The following IL1RAPL2 variants were observed in gnomAD, a reference collection of about 807,000 sequenced individuals.
IL1RAPL2 encodes interleukin 1 receptor accessory protein like 2.
Under a neutral mutation model 44.1 loss-of-function variants are expected in IL1RAPL2, and 3 were observed. That is an observed-to-expected ratio of 0.07 (90% CI 0.03 to 0.18). The LOEUF (loss-of-function observed/expected upper bound fraction) is 0.18. Among genes scored for constraint, IL1RAPL2 ranks in the 10% least tolerant of loss-of-function variants. The probability of loss-of-function intolerance (pLI) is 1.00; values close to 1 mark genes in which losing one functional copy is unlikely to be tolerated. For synonymous variants in IL1RAPL2, 181 were observed against 178.8 expected (o/e 1.01, Z -0.10); for missense variants, 391 against 496.4 (o/e 0.79, Z 2.02).
At chrX:105,216,068 C>T (rs1400176606) in intron 3 of IL1RAPL2, among the ~76,000 whole-genome samples, 1 of 111,254 alleles carries the variant, frequency 9.0e-6, no homozygotes, top group African/African-American at 3.3e-5. Flanking sequence ...AGGATGCCCT[C>T]TCACCACTCC....
chrX:105,219,019 C>T (rs782585592), intron 3 of IL1RAPL2: 17 of 1,209,232 alleles, frequency 1.4e-5, no homozygotes, highest in South Asian at 8.8e-5. Context: ...AGTATCCCTC[C>T]GTGAAAAATT....
chrX:105,065,672 T>G (rs1452498200), intron 2 of IL1RAPL2, among the ~76,000 whole-genome samples: 2 of 112,075 alleles, frequency 1.8e-5, no homozygotes, highest in Non-Finnish European at 3.8e-5. Context: ...AGCTCTCACT[T>G]TTATATAAAA....
chrX:104,719,964 A>G (rs760017918), intron 2 of IL1RAPL2, among the ~76,000 whole-genome samples: 2 of 111,288 alleles, frequency 1.8e-5, no homozygotes, highest in Non-Finnish European at 3.8e-5. Flanking sequence ...GCAGATAGTC[A>G]TACTGGATAT....
intron 5 of IL1RAPL2, among the ~76,000 whole-genome samples, chrX:105,334,450 TAACAC>T (rs1002699201): frequency 9.0e-6 from 1 of 111,370 alleles, no homozygotes; most frequent in Non-Finnish European, 1.9e-5. Context: ...TAGTATTTGA[TAACAC>T]AACAGGGAGA....
At chrX:104,729,912 C>T (rs897692374) in intron 2 of IL1RAPL2, among the ~76,000 whole-genome samples, 1 of 110,516 alleles carries the variant, frequency 9.0e-6, no homozygotes, top group African/African-American at 3.3e-5. Flanking sequence ...TGCTCTTGAC[C>T]AGGGAGAAAT....
At chrX:104,890,426 T>C (rs144248369) in intron 2 of IL1RAPL2, among the ~76,000 whole-genome samples, 40,692 of 110,246 alleles carry the variant, frequency 0.37, 5,906 homozygotes, top group East Asian at 0.46. Context: ...AGTGTAAAAG[T>C]GTTCCTATTT....
intron 5 of IL1RAPL2, among the ~76,000 whole-genome samples, chrX:105,278,430 T>C (rs1011250349): frequency 3.6e-5 from 4 of 111,042 alleles, no homozygotes; most frequent in African/African-American, 1.3e-4. Context: ...CCTAGGTCCA[T>C]TATGTATATT....
chrX:104,861,182 T>C (rs1487642335), intron 2 of IL1RAPL2, among the ~76,000 whole-genome samples: 1 of 112,037 alleles, frequency 8.9e-6, no homozygotes, highest in Non-Finnish European at 1.9e-5. Flanking sequence ...CAAAAATGCT[T>C]TATAAAAATT....
intron 2 of IL1RAPL2, among the ~76,000 whole-genome samples, chrX:104,822,067 C>T (rs984184712): frequency 9.0e-6 from 1 of 111,650 alleles, no homozygotes; most frequent in Non-Finnish European, 1.9e-5. Flanking sequence ...TTGTTCATAT[C>T]CTTTGCCCAG....
At position 104,762,571 on chromosome X, in the gene IL1RAPL2, G is replaced by A. The variant is rs191163579; in HGVS notation, c.82+103576G>A. On this transcript the variant is annotated intron_variant, in intron 2 of 10. Transcript: ENST00000372582. ...AGCTCCACTAGGCAGTACCCCAGTG[G>A]GAACTCTGTGGCAGCTCTGACCCCA... Among the ~76,000 whole-genome samples, 21 of 112,504 alleles carry A rather than the reference G, an allele frequency of 1.9e-4. No homozygotes were observed. In the Admixed American group the frequency reaches 2.0e-3, roughly 11 times the overall value.
intron 5 of IL1RAPL2, among the ~76,000 whole-genome samples, chrX:105,477,936 A>C (rs915805741): frequency 3.6e-5 from 4 of 111,459 alleles, no homozygotes; most frequent in Admixed American, 9.6e-5. Flanking sequence ...ATTTGGCATA[A>C]AATATTATTG....
intron 2 of IL1RAPL2, among the ~76,000 whole-genome samples, chrX:105,182,064 C>CA (rs782283394): frequency 0.18 from 10,546 of 58,564 alleles, 2,002 homozygotes; most frequent in African/African-American, 0.51. Flanking sequence ...GAGACTCTGT[C>CA]AAAAAAAAAA....
At chrX:105,368,216 A>C (rs1375206281) in intron 5 of IL1RAPL2, among the ~76,000 whole-genome samples, 1 of 110,904 alleles carries the variant, frequency 9.0e-6, no homozygotes, top group Non-Finnish European at 1.9e-5. Context: ...TATTTAAAAA[A>C]ATCTGGCTTC....
chrX:105,657,552 A>G (rs745455442), intron 6 of IL1RAPL2, among the ~76,000 whole-genome samples: 1 of 111,938 alleles, frequency 8.9e-6, no homozygotes, highest in Non-Finnish European at 1.9e-5. Flanking sequence ...CTTTGCTTCT[A>G]TCTCCCACTA....
intron 5 of IL1RAPL2, among the ~76,000 whole-genome samples, chrX:105,399,428 G>A (rs564620882): frequency 1.8e-5 from 2 of 110,288 alleles, no homozygotes; most frequent in East Asian, 2.9e-4. Flanking sequence ...CTTAGAGGTC[G>A]CTTCCTTAAT....
intron 2 of IL1RAPL2, among the ~76,000 whole-genome samples, chrX:104,915,647 C>T (rs1433835583): frequency 1.8e-5 from 2 of 110,846 alleles, no homozygotes; most frequent in Non-Finnish European, 3.8e-5. Flanking sequence ...CTTGCCCATG[C>T]CTATGTCCTG....
chrX:104,656,558 G>C (rs977813598), intron 1 of IL1RAPL2, among the ~76,000 whole-genome samples: 1 of 111,749 alleles, frequency 8.9e-6, no homozygotes. Context: ...TGTGATTTCT[G>C]TTCTTTTATA....
At chrX:105,157,896 C>T (rs960662468) in intron 2 of IL1RAPL2, among the ~76,000 whole-genome samples, 1 of 111,968 alleles carries the variant, frequency 8.9e-6, no homozygotes, top group Non-Finnish European at 1.9e-5. Context: ...TATTATTTAT[C>T]TTTAGAATGT....
intron 6 of IL1RAPL2, among the ~76,000 whole-genome samples, chrX:105,689,486 A>T (rs927333224): frequency 1.8e-5 from 2 of 112,569 alleles, no homozygotes; most frequent in Non-Finnish European, 3.7e-5. Context: ...ATCACTGGTC[A>T]TCAGAGAAAT....
Sources: gnomAD v4.1 joint callset for allele counts (sites outside exome capture counted in the v4.1 genomes callset) on GRCh38, gnomAD v4.1.1 for gene constraint, MANE v1.5 for transcripts, NCBI Gene and HGNC (gene_info 2026-07-23, HGNC 2026-07-21) for gene names.